CDH18: variants seen among roughly 807,000 people sequenced by gnomAD.
CDH18 encodes the protein cadherin 18.
Under a neutral mutation model 67.9 loss-of-function variants are expected in CDH18, and 31 were observed. That is an observed-to-expected ratio of 0.46 (90% CI 0.34 to 0.62). The LOEUF is 0.62. Among genes scored for constraint, CDH18 ranks in the 20% least tolerant of loss-of-function variants. The pLI is 0.01. For missense variants in CDH18, 890 were observed against 975.5 expected (o/e 0.91, Z 1.17); for synonymous variants, 362 against 347.2 (o/e 1.04, Z -0.48).
At chr5:20,417,111 C>T (rs1483979921) in intron 1 of CDH18, among the ~76,000 whole-genome samples, 1 of 152,068 alleles carries the variant, frequency 6.6e-6, no homozygotes, top group African/African-American at 2.4e-5. Flanking sequence ...AGTTAAGTGG[C>T]TAGCCTGAAA....
chr5:20,339,138 C>T (rs778151576), intron 1 of CDH18, among the ~76,000 whole-genome samples: 18 of 152,122 alleles, frequency 1.2e-4, no homozygotes, highest in Non-Finnish European at 1.8e-4. Context: ...TTTTTCTCCT[C>T]TCTCTTTCTA....
chr5:19,716,372 T>A (rs1055840914), intron 5 of CDH18, among the ~76,000 whole-genome samples: 1 of 152,204 alleles, frequency 6.6e-6, no homozygotes, highest in South Asian at 2.1e-4. Flanking sequence ...AAAAAATATT[T>A]ATAATTTACG....
chr5:20,065,820 T>G (rs1168760444), intron 2 of CDH18, among the ~76,000 whole-genome samples: 1 of 151,958 alleles, frequency 6.6e-6, no homozygotes, highest in Admixed American at 6.6e-5. Flanking sequence ...AAATCCTAAA[T>G]CCAACCATCA....
intron 2 of CDH18, among the ~76,000 whole-genome samples, chr5:20,048,590 C>G (rs1741115400): frequency 6.6e-6 from 1 of 151,540 alleles, no homozygotes; most frequent in Non-Finnish European, 1.5e-5. Flanking sequence ...TGAGAACTTT[C>G]AGGCGGTAAT....
At chr5:20,005,607 T>C (rs936312208) in intron 2 of CDH18, among the ~76,000 whole-genome samples, 86 of 151,806 alleles carry the variant, frequency 5.7e-4, no homozygotes, top group Non-Finnish European at 1.1e-3. Context: ...CATATACATA[T>C]ACATATGCAT....
chr5:20,388,269 T>G (rs577358799), intron 1 of CDH18, among the ~76,000 whole-genome samples: 1 of 152,322 alleles, frequency 6.6e-6, no homozygotes, highest in Non-Finnish European at 1.5e-5. Context: ...TATTCAGAGA[T>G]TCAACTTCTT....
At chr5:20,550,163 G>C (rs971184300) in intron 1 of CDH18, among the ~76,000 whole-genome samples, 5 of 152,118 alleles carry the variant, frequency 3.3e-5, no homozygotes, top group Admixed American at 1.3e-4. Flanking sequence ...GAGTTTAAAA[G>C]GATCTGGCTA....
chr5:20,245,258 C>T (rs1437540422), intron 2 of CDH18, among the ~76,000 whole-genome samples: 2 of 152,116 alleles, frequency 1.3e-5, no homozygotes, highest in African/African-American at 2.4e-5. Flanking sequence ...GTAGCACATT[C>T]CAGTTTGAAG....
intron 2 of CDH18, among the ~76,000 whole-genome samples, chr5:20,130,355 T>C (rs190727163): frequency 2.0e-3 from 288 of 144,924 alleles, no homozygotes; most frequent in Middle Eastern, 3.8e-3. Flanking sequence ...GAGTTGATGT[T>C]GTTTCTCCAA....
chr5:20,037,461 A>G lies in CDH18; in HGVS notation c.-517-45447T>C, dbSNP rs1228375259. On this transcript the variant is annotated intron_variant, in intron 2 of 14. Transcript: ENST00000507958. ...AAATTGACCACACAATTGGAAGTAA[A>G]ACACTCCTAAGTAAATGCAAAAGAA... Among the ~76,000 whole-genome samples the G allele has an allele frequency of 3.3e-5, 5 of 152,132 alleles. No individual in the cohort carries two copies. The East Asian group carries it at 9.6e-4, about 29-fold the overall frequency.
chr5:19,767,913 T>C (rs1399906471), intron 3 of CDH18, among the ~76,000 whole-genome samples: 4 of 152,062 alleles, frequency 2.6e-5, no homozygotes, highest in Admixed American at 6.6e-5. Context: ...AAGAAAAATG[T>C]ATATAAGAAA....
chr5:20,557,586 T>C (rs1441556725), intron 1 of CDH18, among the ~76,000 whole-genome samples: 1 of 151,970 alleles, frequency 6.6e-6, no homozygotes, highest in African/African-American at 2.4e-5. Flanking sequence ...TAAAACTAAA[T>C]ATGGATCATT....
At chr5:20,184,566 G>A (rs79840734) in intron 2 of CDH18, among the ~76,000 whole-genome samples, 4,899 of 152,110 alleles carry the variant, frequency 0.032, 264 homozygotes, top group African/African-American at 0.11. Flanking sequence ...TATGTGTCTG[G>A]CTTGCTGTAA....
rs566708525 is a variant in CDH18, at chr5:19,520,052, T to C, written c.1512+605A>G. Among the ~76,000 whole-genome samples the C allele has an allele frequency of 2.0e-5, 3 of 152,282 alleles. No homozygotes were observed. The East Asian group carries it at 5.8e-4, about 29-fold the overall frequency. On this transcript the variant is annotated intron_variant, in intron 10 of 12. Transcript: ENST00000382275. ...ATTTCTTATACAGCAGAAAAACAAA[T>C]GCACAACCCCTTTCAGTCTCCTACT...
chr5:20,503,757 G>T (rs1251711082), intron 1 of CDH18, among the ~76,000 whole-genome samples: 1 of 152,178 alleles, frequency 6.6e-6, no homozygotes, highest in Non-Finnish European at 1.5e-5. Context: ...AAGAGTTATG[G>T]CCAGGTGCGG....
At chr5:19,740,325 A>C (rs1290190903) in intron 4 of CDH18, among the ~76,000 whole-genome samples, 1 of 152,078 alleles carries the variant, frequency 6.6e-6, no homozygotes, top group Non-Finnish European at 1.5e-5. Flanking sequence ...TGTTCTGCCA[A>C]ATTACATTGT....
chr5:20,186,258 T>G (rs1484958009), intron 2 of CDH18, among the ~76,000 whole-genome samples: 1 of 151,992 alleles, frequency 6.6e-6, no homozygotes, highest in Non-Finnish European at 1.5e-5. Context: ...TTTTTGGATA[T>G]GATATCACAA....
intron 7 of CDH18, among the ~76,000 whole-genome samples, chr5:19,578,504 C>T (rs1177358696): frequency 1.3e-5 from 2 of 151,248 alleles, no homozygotes; most frequent in African/African-American, 2.4e-5. Context: ...TGCTTATTTT[C>T]TATGTCTTTC....
chr5:20,220,387 G>A (rs562736986), intron 2 of CDH18, among the ~76,000 whole-genome samples: 8 of 151,798 alleles, frequency 5.3e-5, no homozygotes, highest in African/African-American at 1.2e-4. Context: ...AAGGATAGTC[G>A]CTTTTATACA....
Sources: allele counts gnomAD v4.1 joint callset (sites outside exome capture counted in the v4.1 genomes callset), GRCh38; gene constraint gnomAD v4.1.1; transcripts MANE v1.5; gene names NCBI Gene and HGNC (gene_info 2026-07-23, HGNC 2026-07-21).